PALM2AKAP2: variants seen among roughly 807,000 people sequenced by gnomAD.
PALM2AKAP2 encodes the protein PALM2 and AKAP2 fusion, also known as PALM2-AKAP2 fusion protein.
PALM2AKAP2 carries 37 observed loss-of-function variants against 71.5 expected under a neutral mutation model. The observed-to-expected ratio is 0.52, with a 90% confidence interval of 0.40 to 0.68. PALM2AKAP2 has a LOEUF of 0.68. PALM2AKAP2 is among the 30% of genes least tolerant of loss of function. PALM2AKAP2 has a pLI of 0.00. For synonymous variants in PALM2AKAP2, 468 were observed against 478.8 expected, an observed-to-expected ratio of 0.98 and a Z score of 0.29; for missense variants, 1,224 against 1,191.8, an observed-to-expected ratio of 1.03 and a Z score of -0.40.
intron 1 of PALM2AKAP2, among the ~76,000 whole-genome samples, chr9:109,663,259 G>C (rs1016631927): frequency 1.3e-5 from 2 of 152,094 alleles, no homozygotes; most frequent in Non-Finnish European, 2.9e-5. Context: ...TGCTTCTCTA[G>C]TTCTTTTAAT....
chr9:109,912,765 A>G (rs1373541490), intron 3 of PALM2AKAP2, among the ~76,000 whole-genome samples: 1 of 152,232 alleles, frequency 6.6e-6, no homozygotes, highest in African/African-American at 2.4e-5. Context: ...CGATGAGGTT[A>G]AATATTCTTA....
chr9:110,004,125 C>T (rs566648160), intron 6 of PALM2AKAP2, among the ~76,000 whole-genome samples: 1 of 152,138 alleles, frequency 6.6e-6, no homozygotes, highest in Non-Finnish European at 1.5e-5. Flanking sequence ...TTTCTAGCAT[C>T]GATGGTCTTT....
chr9:110,155,262 C>T (rs1340965613), intron 2 of PALM2AKAP2, among the ~76,000 whole-genome samples: 4 of 152,204 alleles, frequency 2.6e-5, no homozygotes, highest in African/African-American at 7.2e-5. Context: ...CCCTCCCAAA[C>T]GGAGCCATGC....
intron 1 of PALM2AKAP2, among the ~76,000 whole-genome samples, chr9:109,792,138 T>A (rs1161931426): frequency 1.3e-5 from 2 of 152,176 alleles, no homozygotes; most frequent in Non-Finnish European, 2.9e-5. Context: ...CCATACCCTA[T>A]AAGAAAACCA....
chr9:109,733,597 A>T (rs80271008), intron 1 of PALM2AKAP2, among the ~76,000 whole-genome samples: 6,489 of 152,252 alleles, frequency 0.043, 188 homozygotes, highest in Non-Finnish European at 0.053. Flanking sequence ...ATGGAATGAC[A>T]TTCAACCAGC....
chr9:110,119,362 A>G (rs1349834000), intron 1 of PALM2AKAP2, among the ~76,000 whole-genome samples: 2 of 149,502 alleles, frequency 1.3e-5, no homozygotes, highest in African/African-American at 2.5e-5. Context: ...AAAAAAAAAG[A>G]AAAGAAAAAG....
intron 1 of PALM2AKAP2, among the ~76,000 whole-genome samples, chr9:109,796,241 A>G (rs1827248637): frequency 6.6e-6 from 1 of 152,366 alleles, no homozygotes; most frequent in Admixed American, 6.5e-5. Context: ...TCAGCAAAAT[A>G]TTAGAAAACT....
At chr9:109,650,710 G>GC (rs564904625) in intron 1 of PALM2AKAP2, among the ~76,000 whole-genome samples, 94 of 152,264 alleles carry the variant, frequency 6.2e-4, no homozygotes, top group Admixed American at 9.8e-4. Flanking sequence ...ATAGAGGTGA[G>GC]CCACCATACC....
At chr9:109,908,948 T>A (rs1414559955) in intron 3 of PALM2AKAP2, among the ~76,000 whole-genome samples, 4 of 152,052 alleles carry the variant, frequency 2.6e-5, no homozygotes, top group Non-Finnish European at 5.9e-5. Flanking sequence ...CATAAACAAT[T>A]TTCACAATCT....
At chr9:109,936,172 T>C (rs1018214697) in intron 6 of PALM2AKAP2, among the ~76,000 whole-genome samples, 1 of 152,108 alleles carries the variant, frequency 6.6e-6, no homozygotes, top group Non-Finnish European at 1.5e-5. Context: ...TGTATAATGA[T>C]CAAAAAAGGG....
At chr9:109,792,911 A>G (rs1436925161) in intron 1 of PALM2AKAP2, among the ~76,000 whole-genome samples, 2 of 152,302 alleles carry the variant, frequency 1.3e-5, no homozygotes, top group East Asian at 3.9e-4. Flanking sequence ...AGGACATTCC[A>G]TATTTTATCT....
chr9:109,704,830 ACAT>A (rs2118592388), intron 1 of PALM2AKAP2, among the ~76,000 whole-genome samples: 1 of 152,270 alleles, frequency 6.6e-6, no homozygotes, highest in African/African-American at 2.4e-5. Flanking sequence ...AGTGCTTGAC[ACAT>A]CTTCTCTCCA....
chr9:109,718,156 C>G (rs979099217), intron 1 of PALM2AKAP2, among the ~76,000 whole-genome samples: 2 of 152,150 alleles, frequency 1.3e-5, no homozygotes, highest in Non-Finnish European at 2.9e-5. Flanking sequence ...TCTTGGCTCA[C>G]TGCAGCCTCA....
chr9:109,666,125 C>T (rs1827480445), intron 1 of PALM2AKAP2, among the ~76,000 whole-genome samples: 1 of 152,160 alleles, frequency 6.6e-6, no homozygotes, highest in Non-Finnish European at 1.5e-5. Context: ...AGGGAAATCC[C>T]CTGACTCCTT....
chr9:109,840,622 A>G (rs187998733), intron 1 of PALM2AKAP2, among the ~76,000 whole-genome samples: 1 of 152,356 alleles, frequency 6.6e-6, no homozygotes, highest in African/African-American at 2.4e-5. Context: ...TGCTCATCTG[A>G]CAAAGGGCTA....
At chr9:109,738,817 A>T (rs1269643575) in intron 1 of PALM2AKAP2, among the ~76,000 whole-genome samples, 1 of 152,202 alleles carries the variant, frequency 6.6e-6, no homozygotes, top group African/African-American at 2.4e-5. Context: ...ATCTTTGATT[A>T]AAAAAATGTC....
intron 1 of PALM2AKAP2, among the ~76,000 whole-genome samples, chr9:110,066,404 A>G (rs1386420999): frequency 6.6e-6 from 1 of 152,200 alleles, no homozygotes. Context: ...AAGTGAGTAA[A>G]TGTAAGTAAA....
At chr9:109,959,762 G>A (rs1831820547) in intron 6 of PALM2AKAP2, among the ~76,000 whole-genome samples, 2 of 152,102 alleles carry the variant, frequency 1.3e-5, no homozygotes, top group African/African-American at 4.8e-5. Flanking sequence ...CTGAAGTTTG[G>A]CTGAAGAGAG....
chr9:109,784,086 A>T (rs1223582774), intron 1 of PALM2AKAP2, among the ~76,000 whole-genome samples: 1 of 152,222 alleles, frequency 6.6e-6, no homozygotes, highest in Non-Finnish European at 1.5e-5. Flanking sequence ...TTCTGTAGGG[A>T]TACTCCCCAA....
Sources: gnomAD v4.1 joint callset for allele counts (sites outside exome capture counted in the v4.1 genomes callset) on GRCh38, gnomAD v4.1.1 for gene constraint, MANE v1.5 for transcripts, NCBI Gene and HGNC (gene_info 2026-07-23, HGNC 2026-07-21) for gene names.